DCAF8L2: variants seen among roughly 807,000 people sequenced by gnomAD.
DCAF8L2 encodes DDB1 and CUL4 associated factor 8 like 2.
For missense variants in DCAF8L2, 430 were observed against 490.7 expected (o/e 0.88, Z 1.17); for synonymous variants, 200 against 190.9 (o/e 1.05, Z -0.39).
chrX:27,733,676 C>T (rs1425588111), intron 4 of DCAF8L2, among the ~76,000 whole-genome samples: 1 of 111,153 alleles, frequency 9.0e-6, no homozygotes, highest in Non-Finnish European at 1.9e-5. Flanking sequence ...TATATTTAGG[C>T]CTTTAATCCA....
At chrX:27,527,326 G>T in the DCAF8L2 span, among the ~76,000 whole-genome samples, 29 of 112,400 alleles carry the variant, frequency 2.6e-4, no homozygotes, top group South Asian at 2.2e-3. Flanking sequence ...CTCCAAGCCA[G>T]GCACAGGATA....
the DCAF8L2 span, among the ~76,000 whole-genome samples, chrX:27,575,203 G>A: frequency 1.8e-5 from 2 of 111,401 alleles, no homozygotes; most frequent in African/African-American, 6.5e-5. Context: ...TGGCATGCCA[G>A]CATCTGTCGT....
At chrX:27,618,906 T>A (rs1460296244) in intron 1 of DCAF8L2, among the ~76,000 whole-genome samples, 1 of 110,938 alleles carries the variant, frequency 9.0e-6, no homozygotes, top group Non-Finnish European at 1.9e-5. Flanking sequence ...ACAAAGACTA[T>A]GCAAAATGTA....
intron 2 of DCAF8L2, among the ~76,000 whole-genome samples, chrX:27,671,699 C>T (rs1994827): frequency 0.47 from 52,304 of 110,464 alleles, 8,881 homozygotes; most frequent in Middle Eastern, 0.62. Flanking sequence ...GAGATATTTT[C>T]GAGATCTTGA....
chrX:27,512,803 A>AAC, the DCAF8L2 span, among the ~76,000 whole-genome samples: 1 of 98,873 alleles, frequency 1.0e-5, no homozygotes, highest in Non-Finnish European at 2.0e-5. Context: ...AAAAAAAAAA[A>AAC]AAAAAAACAA....
chrX:27,587,637 C>G (rs939572706), upstream of DCAF8L2, among the ~76,000 whole-genome samples: 10 of 111,036 alleles, frequency 9.0e-5, no homozygotes, highest in African/African-American at 3.3e-4. Context: ...ACTCAGGGAT[C>G]CAAAATTGAA....
At chrX:27,677,771 T>G (rs1930191066) in intron 2 of DCAF8L2, 65 bp from the exon 3 acceptor site, 1 of 111,842 alleles carries the variant, frequency 8.9e-6, no homozygotes, top group African/African-American at 3.2e-5. Flanking sequence ...TTTATTGGAC[T>G]TGAAGAACAG....
the DCAF8L2 span, among the ~76,000 whole-genome samples, chrX:27,469,804 T>C: frequency 9.1e-6 from 1 of 109,521 alleles, no homozygotes; most frequent in South Asian, 4.1e-4. Flanking sequence ...AGACGGAGTT[T>C]TCACTCGTTG....
At chrX:27,647,474 T>C (rs1426972543) in intron 2 of DCAF8L2, among the ~76,000 whole-genome samples, 5 of 111,224 alleles carry the variant, frequency 4.5e-5, no homozygotes, top group Non-Finnish European at 3.8e-5. Context: ...AATACCTAGG[T>C]GATGGGTTGA....
chrX:27,580,588 G>T, the DCAF8L2 span, among the ~76,000 whole-genome samples: 1 of 111,470 alleles, frequency 9.0e-6, no homozygotes. Flanking sequence ...CTGAAGGACT[G>T]CCAGGGTACA....
the DCAF8L2 span, among the ~76,000 whole-genome samples, chrX:27,534,620 G>A: frequency 9.1e-6 from 1 of 110,273 alleles, no homozygotes; most frequent in Non-Finnish European, 1.9e-5. Flanking sequence ...AGTTCTTCTC[G>A]TGAGAAACCG....
At chrX:27,568,248 A>G in the DCAF8L2 span, among the ~76,000 whole-genome samples, 3,596 of 111,319 alleles carry the variant, frequency 0.032, 153 homozygotes, top group African/African-American at 0.11. Flanking sequence ...CAGGAGTAGT[A>G]AACTCCCTAA....
chrX:27,529,172 G>A, the DCAF8L2 span, among the ~76,000 whole-genome samples: 1 of 111,660 alleles, frequency 9.0e-6, no homozygotes, highest in Non-Finnish European at 1.9e-5. Flanking sequence ...TCATATGTAA[G>A]AAATAAACTT....
At chrX:27,691,737 A>G (rs1490497283) in intron 3 of DCAF8L2, among the ~76,000 whole-genome samples, 2 of 111,937 alleles carry the variant, frequency 1.8e-5, no homozygotes, top group African/African-American at 6.5e-5. Flanking sequence ...TTGGCCAAAA[A>G]TTGCATACCA....
chrX:27,486,153 G>A, the DCAF8L2 span, among the ~76,000 whole-genome samples: 1 of 107,471 alleles, frequency 9.3e-6, no homozygotes, highest in South Asian at 4.2e-4. Context: ...TTATAGTCAT[G>A]AGCCACCATG....
intron 1 of DCAF8L2, among the ~76,000 whole-genome samples, chrX:27,608,651 A>AT (rs1347788473): frequency 1.8e-5 from 2 of 110,411 alleles, no homozygotes; most frequent in African/African-American, 3.3e-5. Context: ...CTTCCATTCC[A>AT]TTTTTTTCTG....
intron 2 of DCAF8L2, among the ~76,000 whole-genome samples, chrX:27,635,775 A>G (rs1055047267): frequency 4.9e-5 from 5 of 102,948 alleles, no homozygotes; most frequent in Admixed American, 3.2e-4. Context: ...TATGAAAGCA[A>G]TTTCCTTTTA....
rs1931031209 is a variant in DCAF8L2, at chrX:27,699,003, TG to T, written c.-142-17083del. ...TGAGGAGTTATGGAATCTCAGGCTCTGGTCTGGGGACTAGGCCAAAAGTACC... is the reference window on the plus strand; with the variant it reads ...TGAGGAGTTATGGAATCTCAGGCTCTGTCTGGGGACTAGGCCAAAAGTACC... On this transcript the variant is annotated intron_variant, in intron 3 of 4. Coordinates refer to ENST00000451261, the MANE Select transcript of DCAF8L2 (RefSeq NM_001353450.2). 2.7e-5 allele frequency among the ~76,000 whole-genome samples: 3 copies of T among 112,091 alleles called. No homozygotes were observed. In the South Asian group the frequency reaches 1.1e-3, roughly 41 times the overall value.
chrX:27,568,601 A>G, the DCAF8L2 span, among the ~76,000 whole-genome samples: 5 of 110,086 alleles, frequency 4.5e-5, no homozygotes, highest in South Asian at 3.9e-4. Flanking sequence ...TTTTTATTCA[A>G]TTAAGAAGTT....
Sources: gnomAD v4.1 joint callset for allele counts (sites outside exome capture counted in the v4.1 genomes callset) on GRCh38, gnomAD v4.1.1 for gene constraint, MANE v1.5 for transcripts, NCBI Gene and HGNC (gene_info 2026-07-23, HGNC 2026-07-21) for gene names.